The following MCTP1 variants were observed in gnomAD, a reference collection of about 807,000 sequenced individuals.
MCTP1 encodes multiple C2 and transmembrane domain containing 1.
MCTP1 carries 69 observed loss-of-function variants against 120.6 expected under a neutral mutation model. The observed-to-expected ratio is 0.57, with a 90% CI of 0.47 to 0.70. MCTP1 has a LOEUF of 0.70. Among genes scored for constraint, MCTP1 ranks in the 30% least tolerant of loss-of-function variants. The probability of loss-of-function intolerance (pLI) is 0.00; values close to 1 mark genes in which losing one functional copy is unlikely to be tolerated. For synonymous variants in MCTP1, 529 were observed against 493.1 expected (o/e 1.07, Z -0.96); for missense variants, 1,203 against 1,248.8 (o/e 0.96, Z 0.55).
In MCTP1 at chr5:95,212,183, A is replaced by G. The variant is rs534924933; in HGVS notation, c.720+71673T>C. Among the ~76,000 whole-genome samples the G allele has an allele frequency of 1.7e-3, 253 of 152,306 alleles. 1 individual carries two copies. The highest frequency in any genetic ancestry group is 5.7e-3 in the African/African-American group (239 of 41,580). On this transcript the variant is annotated intron_variant, in intron 1 of 22. Coordinates refer to ENST00000515393, the MANE Select transcript of MCTP1 (RefSeq NM_024717.7). Reference sequence around the variant, plus strand: ...GACGCAATAAAAGATGATAAAGGGGACATCACCACCAATCCCACAGAAACA... The same window carrying G: ...GACGCAATAAAAGATGATAAAGGGGGCATCACCACCAATCCCACAGAAACA...
intron 1 of MCTP1, among the ~76,000 whole-genome samples, chr5:95,151,393 T>C (rs1760887537): frequency 6.6e-6 from 1 of 151,878 alleles, no homozygotes; most frequent in South Asian, 2.1e-4. Context: ...GTTGAGTAGG[T>C]TGAGAAGGAG....
chr5:94,853,453 T>G (rs2153225795), intron 17 of MCTP1, among the ~76,000 whole-genome samples: 1 of 152,116 alleles, frequency 6.6e-6, no homozygotes, highest in Admixed American at 6.6e-5. Flanking sequence ...CAGACAAGGT[T>G]CAACTGTGTG....
chr5:94,906,138 T>C (rs766019988), intron 10 of MCTP1, among the ~76,000 whole-genome samples: 5 of 151,688 alleles, frequency 3.3e-5, no homozygotes, highest in Non-Finnish European at 7.4e-5. Flanking sequence ...TTGACAGGAG[T>C]AGTTTTGGTG....
intron 19 of MCTP1, among the ~76,000 whole-genome samples, chr5:94,748,369 G>A (rs1002283702): frequency 3.9e-5 from 6 of 152,204 alleles, no homozygotes; most frequent in African/African-American, 7.2e-5. Context: ...ACAGCAGTCC[G>A]TTAAGGCTTC....
At chr5:95,164,217 T>C (rs1488809319) in intron 1 of MCTP1, among the ~76,000 whole-genome samples, 1 of 152,172 alleles carries the variant, frequency 6.6e-6, no homozygotes, top group Non-Finnish European at 1.5e-5. Context: ...GGGAGCATTA[T>C]TTGCCTTAGT....
intron 17 of MCTP1, among the ~76,000 whole-genome samples, chr5:94,830,842 T>C (rs1193442610): frequency 2.0e-5 from 3 of 152,178 alleles, no homozygotes. Flanking sequence ...AGAGGAAATA[T>C]AGAATGGTGA....
chr5:94,736,491 A>AT (rs1764288570), intron 19 of MCTP1, among the ~76,000 whole-genome samples: 1 of 151,828 alleles, frequency 6.6e-6, no homozygotes, highest in Admixed American at 6.6e-5. Flanking sequence ...TCAAAAAAAA[A>AT]TTTTTTTGGG....
At chr5:94,864,175 C>G (rs1281504677) in intron 17 of MCTP1, among the ~76,000 whole-genome samples, 8 of 152,004 alleles carry the variant, frequency 5.3e-5, no homozygotes, top group African/African-American at 1.9e-4. Context: ...TCGTAGGCTG[C>G]TCAGGACAGA....
At chr5:95,028,617 AG>A (rs1310313384) in intron 1 of MCTP1, among the ~76,000 whole-genome samples, 5 of 152,192 alleles carry the variant, frequency 3.3e-5, no homozygotes, top group Non-Finnish European at 7.3e-5. Context: ...CTACACATAC[AG>A]TATATAAAAT....
At chr5:94,862,644 C>T (rs1435080778) in intron 17 of MCTP1, among the ~76,000 whole-genome samples, 2 of 151,626 alleles carry the variant, frequency 1.3e-5, no homozygotes, top group Non-Finnish European at 2.9e-5. Context: ...AACCTGAAAC[C>T]CAGCTCATTT....
intron 1 of MCTP1, among the ~76,000 whole-genome samples, chr5:95,241,325 T>C (rs1444522211): frequency 2.6e-5 from 4 of 152,180 alleles, no homozygotes; most frequent in African/African-American, 7.2e-5. Flanking sequence ...TGCAGGACAA[T>C]GTCATATTTG....
At chr5:95,249,644 A>T (rs1324599882) in intron 1 of MCTP1, among the ~76,000 whole-genome samples, 1 of 152,164 alleles carries the variant, frequency 6.6e-6, no homozygotes, top group Admixed American at 6.5e-5. Flanking sequence ...TGACCCAGCG[A>T]TCACATTACT....
chr5:95,146,451 C>T (rs1210399864), intron 1 of MCTP1, among the ~76,000 whole-genome samples: 5 of 152,104 alleles, frequency 3.3e-5, no homozygotes, highest in African/African-American at 1.2e-4. Context: ...ATTTTCTCCT[C>T]TACTTCCTGT....
At chr5:95,051,231 C>T (rs889845455) in intron 1 of MCTP1, among the ~76,000 whole-genome samples, 4 of 152,140 alleles carry the variant, frequency 2.6e-5, no homozygotes, top group Non-Finnish European at 5.9e-5. Flanking sequence ...AAGAACTGGG[C>T]TCTAGGCTAA....
In MCTP1 at chr5:94,910,389, T is replaced by C. The variant is rs533925369; in HGVS notation, c.1522-1008A>G. Among the ~76,000 whole-genome samples, 16 of 152,226 alleles carry C rather than the reference T, an allele frequency of 1.1e-4. No homozygotes were observed. The South Asian group carries it at 3.3e-3, about 32-fold the overall frequency. The stretch of plus-strand genomic sequence containing the variant: ...ACCTATATTGATAGGAATGGAATTT[T>C]AAAATTCCATTCACCATTGGGTTAA... On this transcript the variant is annotated intron_variant, in intron 9 of 22. Transcript: ENST00000515393.
At chr5:94,768,076 A>G (rs1027754664) in intron 19 of MCTP1, among the ~76,000 whole-genome samples, 1 of 152,142 alleles carries the variant, frequency 6.6e-6, no homozygotes, top group Non-Finnish European at 1.5e-5. Context: ...ATAGACCAGA[A>G]CAGAGAGCTC....
intron 10 of MCTP1, among the ~76,000 whole-genome samples, chr5:94,908,191 G>C (rs1314137107): frequency 1.3e-5 from 2 of 151,932 alleles, no homozygotes; most frequent in African/African-American, 4.8e-5. Context: ...TTAATTAAGG[G>C]AAAAAATGTG....
chr5:94,927,631 A>T (rs541345463), intron 6 of MCTP1, among the ~76,000 whole-genome samples: 1 of 152,238 alleles, frequency 6.6e-6, no homozygotes, highest in East Asian at 1.9e-4. Context: ...CTAAATAATG[A>T]CTTTTTTTCA....
intron 1 of MCTP1, among the ~76,000 whole-genome samples, chr5:95,170,236 C>A (rs1424280680): frequency 5.3e-5 from 8 of 152,110 alleles, no homozygotes; most frequent in African/African-American, 9.7e-5. Context: ...TGAGTTTCTT[C>A]ATCCAGAGTT....
Sources: gnomAD v4.1 joint callset for allele counts (sites outside exome capture counted in the v4.1 genomes callset) on GRCh38, gnomAD v4.1.1 for gene constraint, MANE v1.5 for transcripts, NCBI Gene and HGNC (gene_info 2026-07-23, HGNC 2026-07-21) for gene names.